Variants in DOCK1 observed in about 807,000 individuals in gnomAD.
DOCK1 encodes dedicator of cytokinesis 1.
A neutral mutation model predicts 262.7 loss-of-function variants in DOCK1; 138 were observed. The ratio of observed to expected loss-of-function variants is 0.53; its 90% CI spans 0.46 to 0.61. The LOEUF (loss-of-function observed/expected upper bound fraction) is 0.61, where lower values mean the gene tolerates loss of function less well. Among genes scored for constraint, DOCK1 ranks in the 20% least tolerant of loss-of-function variants. The probability of loss-of-function intolerance (pLI) is 0.00; values close to 1 mark genes in which losing one functional copy is unlikely to be tolerated. For missense variants in DOCK1, 1,908 were observed against 2,370.7 expected, an observed-to-expected ratio of 0.80 and a Z score of 4.05; for synonymous variants, 866 against 867.4, an observed-to-expected ratio of 1.00 and a Z score of 0.03.
chr10:127,382,063 C>T (rs72841533), intron 37 of DOCK1, among the ~76,000 whole-genome samples: 8,331 of 152,202 alleles, frequency 0.055, 341 homozygotes, highest in Middle Eastern at 0.092. Context: ...GATGATCTTG[C>T]TCATGACATC....
chr10:127,207,607 A>G (rs941718635), intron 27 of DOCK1, among the ~76,000 whole-genome samples: 15 of 152,312 alleles, frequency 9.8e-5, no homozygotes, highest in East Asian at 9.6e-4. Context: ...TGACTTTATT[A>G]TCTACGTGTT....
At chr10:126,908,347 C>A (rs531850425) in intron 1 of DOCK1, among the ~76,000 whole-genome samples, 2 of 152,200 alleles carry the variant, frequency 1.3e-5, no homozygotes, top group South Asian at 4.1e-4. Flanking sequence ...CTTACCAACT[C>A]CAGCATTTTT....
rs778556643 is a variant in DOCK1, at chr10:127,409,118, G to A, written c.4204G>A (p.Ala1402Thr). 1.2e-5 allele frequency: 19 copies of A among 1,610,018 alleles called. No individual in the cohort carries two copies. Among genetic ancestry groups the A allele is most frequent in the East Asian group, 2.2e-5 (1 of 44,800 alleles). Residue 1402 changes from alanine to threonine, a missense_variant, in exon 41 of 52, where the codon GCC becomes ACC. Around this residue, in one of 9 missense-constraint regions of DOCK1, gnomAD observed 267 missense variants for 366.3 expected, o/e 0.73. Transcript: ENST00000623213. ...EARLLTQFPN[A>T]EKMKTTSPPG... ...TCGGCTCTTAACTCAGTTTCCAAAC[G>A]CCGAGAAAATGAAGACAACATCTCC...
At chr10:127,152,754 C>T (rs544590907) in intron 27 of DOCK1, among the ~76,000 whole-genome samples, 1 of 152,338 alleles carries the variant, frequency 6.6e-6, no homozygotes, top group South Asian at 2.1e-4. Flanking sequence ...GGTTCAGAAC[C>T]TCTGAGGTTA....
intron 27 of DOCK1, among the ~76,000 whole-genome samples, chr10:127,240,719 A>G (rs2059235858): frequency 6.6e-6 from 1 of 152,076 alleles, no homozygotes; most frequent in African/African-American, 2.4e-5. Context: ...CGCCCCCTTA[A>G]TCTTAAAAGG....
chr10:126,989,949 T>C (rs2039675347), intron 5 of DOCK1, among the ~76,000 whole-genome samples: 1 of 152,182 alleles, frequency 6.6e-6, no homozygotes, highest in African/African-American at 2.4e-5. Flanking sequence ...CAGGGTGGAA[T>C]GCTTCTTCTT....
intron 25 of DOCK1, among the ~76,000 whole-genome samples, chr10:127,111,776 C>A (rs754749363): frequency 6.6e-6 from 1 of 152,200 alleles, no homozygotes; most frequent in Non-Finnish European, 1.5e-5. Context: ...ATCACCAGCA[C>A]TACCGTCATC....
intron 23 of DOCK1, among the ~76,000 whole-genome samples, chr10:127,065,198 A>G (rs1269964562): frequency 2.0e-5 from 3 of 151,792 alleles, no homozygotes; most frequent in Non-Finnish European, 4.4e-5. Flanking sequence ...TTTAGTAGAG[A>G]CGGGGTTTCA....
chr10:127,090,826 A>C (rs11016125), intron 23 of DOCK1, among the ~76,000 whole-genome samples: 33,216 of 151,968 alleles, frequency 0.22, 5,151 homozygotes, highest in African/African-American at 0.44. Flanking sequence ...GCACCCCATT[A>C]CTGTTCATGG....
At chr10:127,047,602 A>G (rs1398607545) in intron 21 of DOCK1, among the ~76,000 whole-genome samples, 1 of 146,294 alleles carries the variant, frequency 6.8e-6, no homozygotes, top group East Asian at 2.1e-4. Context: ...TACCCTTGGA[A>G]CTACTGCCCA....
At chr10:127,096,934 G>C (rs1221511205) in intron 23 of DOCK1, among the ~76,000 whole-genome samples, 1 of 151,712 alleles carries the variant, frequency 6.6e-6, no homozygotes, top group South Asian at 2.1e-4. Context: ...GTGAAACCCC[G>C]TCTCTACTAA....
At chr10:126,984,693 A>G (rs1323413967) in intron 4 of DOCK1, among the ~76,000 whole-genome samples, 1 of 152,090 alleles carries the variant, frequency 6.6e-6, no homozygotes, top group African/African-American at 2.4e-5. Flanking sequence ...AGATTTGACA[A>G]ATAAAAATTG....
At chr10:127,356,646 A>G (rs1324116187) in intron 32 of DOCK1, among the ~76,000 whole-genome samples, 2 of 151,980 alleles carry the variant, frequency 1.3e-5, no homozygotes, top group Non-Finnish European at 2.9e-5. Flanking sequence ...GAGGGCTTTC[A>G]CAGCAATGGC....
chr10:127,424,586 G>T (rs957421025), intron 46 of DOCK1, among the ~76,000 whole-genome samples: 1 of 152,150 alleles, frequency 6.6e-6, no homozygotes. Flanking sequence ...AAGTTGTCCC[G>T]GTCTGTCTGC....
At chr10:127,065,081 C>T (rs990074292) in intron 23 of DOCK1, among the ~76,000 whole-genome samples, 10 of 152,124 alleles carry the variant, frequency 6.6e-5, no homozygotes, top group Non-Finnish European at 1.3e-4. Context: ...ACAGTCTCGG[C>T]TCACAGCAAC....
intron 23 of DOCK1, among the ~76,000 whole-genome samples, chr10:127,063,991 T>C (rs111458633): frequency 2.1e-3 from 327 of 152,368 alleles, no homozygotes; most frequent in African/African-American, 7.6e-3. Context: ...AGGTGCTTTC[T>C]CGATGACGTT....
chr10:127,271,901 T>TA (rs2060582149), intron 29 of DOCK1: 1 of 143,978 alleles, frequency 6.9e-6, no homozygotes, highest in African/African-American at 2.5e-5. Flanking sequence ...AGTGAACAAA[T>TA]ACCTCTTATT....
At chr10:127,075,459 A>C (rs540014787) in intron 23 of DOCK1, among the ~76,000 whole-genome samples, 5 of 152,140 alleles carry the variant, frequency 3.3e-5, no homozygotes, top group African/African-American at 1.2e-4. Flanking sequence ...TTTTGTAGAG[A>C]TATGGTTTCG....
Position 127,100,731 on chromosome 10 carries a change from C to T in DOCK1, c.2446-5500C>T, listed in dbSNP as rs1284730885. On this transcript the variant is annotated intron_variant, in intron 23 of 51. Transcript: ENST00000623213. The surrounding 1 kb of genome is among the most constrained non-coding windows in gnomAD (Gnocchi z 5.5). ...ACCCTGGGAGTGAGGGCCACGCGTG[C>T]CCCAGAGGTGAGGTGGCCAAAGTGT... Among the ~76,000 whole-genome samples the T allele has an allele frequency of 6.6e-6, 1 of 151,876 alleles. No homozygotes were observed. The highest frequency in any genetic ancestry group is 2.4e-5 in the African/African-American group (1 of 41,338).
Sources: allele counts gnomAD v4.1 joint callset (sites outside exome capture counted in the v4.1 genomes callset), GRCh38; gene constraint gnomAD v4.1.1; regional missense constraint gnomAD v4.1.1; non-coding constraint Gnocchi (gnomAD v3.1); transcripts MANE v1.5; gene names NCBI Gene and HGNC (gene_info 2026-07-23, HGNC 2026-07-21).